Variants in CLTCL1 observed in about 807,000 individuals in gnomAD.
CLTCL1 encodes the protein clathrin heavy chain like 1.
CLTCL1 carries 159 observed loss-of-function variants against 190.0 expected under a neutral mutation model. The ratio of observed to expected loss-of-function variants is 0.84; its 90% CI spans 0.74 to 0.95. The LOEUF is 0.95. CLTCL1 is among the 40% of genes least tolerant of loss of function. The pLI, the probability that CLTCL1 is intolerant of heterozygous loss-of-function variation, is 0.00. For synonymous variants in CLTCL1, 752 were observed against 769.6 expected (o/e 0.98, Z 0.38); for missense variants, 1,878 against 2,033.4 (o/e 0.92, Z 1.47).
intron 2 of CLTCL1, among the ~76,000 whole-genome samples, chr22:19,266,497 C>T (rs2087126999): frequency 6.6e-6 from 1 of 152,124 alleles, no homozygotes; most frequent in Non-Finnish European, 1.5e-5. Flanking sequence ...CTATCAAATA[C>T]TCAAAGAAGA....
At chr22:19,205,966 A>G (rs1422126650) in intron 22 of CLTCL1, among the ~76,000 whole-genome samples, 1 of 149,308 alleles carries the variant, frequency 6.7e-6, no homozygotes, top group Non-Finnish European at 1.5e-5. Context: ...TCACTCCGTC[A>G]CCCAGGTTGG....
Position 19,233,575 on chromosome 22 carries a change from G to C in CLTCL1, c.1215C>G (p.Pro405=), listed in dbSNP as rs76002948. The C allele has an allele frequency of 1.2e-6, 2 of 1,613,696 alleles. No homozygotes were observed. The highest frequency in any genetic ancestry group is 1.7e-6 in the Non-Finnish European group (2 of 1,179,896). Residue 405 remains proline (P), a synonymous_variant, in exon 8 of 33, where the codon CCC becomes CCG. Coordinates refer to ENST00000427926, the MANE Select transcript of CLTCL1 (RefSeq NM_007098.4). ...RETVQKFQSI[P]AQSGQASPLL... ...ATGGAGAAGCCTGGCCAGACTGAGC[G>C]GGTATACTCTGGAATTTCTGGACCG...
chr22:19,289,817 T>G (rs1169822091), intron 1 of CLTCL1, among the ~76,000 whole-genome samples: 2 of 152,236 alleles, frequency 1.3e-5, no homozygotes, highest in African/African-American at 2.4e-5. Context: ...CATCTAAGTC[T>G]GCAGCCATAT....
chr22:19,283,383 C>T (rs1305102714), intron 1 of CLTCL1, among the ~76,000 whole-genome samples: 4 of 151,186 alleles, frequency 2.6e-5, no homozygotes, highest in Admixed American at 6.6e-5. Context: ...CACACTCAAC[C>T]GATTCTCATG....
At chr22:19,288,187 A>G (rs1051921584) in intron 1 of CLTCL1, among the ~76,000 whole-genome samples, 1 of 152,180 alleles carries the variant, frequency 6.6e-6, no homozygotes, top group African/African-American at 2.4e-5. Context: ...TTTGTGTTCA[A>G]GTAACCCTTA....
chr22:19,233,370 G>A, intron 8 of CLTCL1, 52 bp from the exon 9 acceptor site: 1 of 1,610,566 alleles, frequency 6.2e-7, no homozygotes, highest in Non-Finnish European at 8.5e-7. Flanking sequence ...AGGGAGCCTG[G>A]ACCAAGTTTT....
At chr22:19,180,039 G>C in intron 32 of CLTCL1, 70 bp from the exon 33 acceptor site, 1 of 642,942 alleles carries the variant, frequency 1.6e-6, no homozygotes, top group Admixed American at 2.8e-5. Flanking sequence ...GGCTGCCCCT[G>C]AGTAGCCCGG....
chr22:19,219,842 G>A (rs546989829), intron 18 of CLTCL1, 43 bp downstream of exon 18: 14 of 1,607,976 alleles, frequency 8.7e-6, no homozygotes, highest in South Asian at 7.7e-5. Context: ...ATGATCGGAC[G>A]GCAAAATGCA....
At chr22:19,180,967 A>C (rs1555925593) in intron 30 of CLTCL1, 161 bp from the exon 31 acceptor site, 1 of 642,326 alleles carries the variant, frequency 1.6e-6, no homozygotes, top group East Asian at 2.7e-5. Context: ...CACCCCATGC[A>C]CTTTTAGAAT....
Position 19,291,184 on chromosome 22 carries a change from G to A in CLTCL1, c.42+416C>T, listed in dbSNP as rs182776937. ...CGGTCCTCCCAGGCGAAGCCGCCCT[G>A]GGGACGAAAACCGATCACAGAGGCA... On this transcript the variant is annotated intron_variant, in intron 1 of 32. Transcript: ENST00000427926. 2.0e-5 allele frequency among the ~76,000 whole-genome samples: 3 copies of A among 152,340 alleles called. No homozygotes were observed. The East Asian group carries it at 5.8e-4, about 29-fold the overall frequency.
chr22:19,225,500 C>T lies in CLTCL1; in HGVS notation c.2081G>A (p.Gly694Asp). 1 of 1,587,634 alleles carries T rather than the reference C, an allele frequency of 6.3e-7. No individual in the cohort carries two copies. Among genetic ancestry groups the T allele is most frequent in the Non-Finnish European group, 8.6e-7 (1 of 1,166,358 alleles). Residue 694 changes from glycine (G) to aspartate (D), a missense_variant, in exon 13 of 33, where the codon GGC becomes GAC. Coordinates refer to ENST00000427926, the MANE Select transcript of CLTCL1 (RefSeq NM_007098.4). ...QVASKYHEQLGTQALVELFES... is the reference protein window; with the variant it reads ...QVASKYHEQLDTQALVELFES... ...AAAGAGCTCCACCAGGGCCTGCGTG[C>T]CCAGCTGCTCGTGGTACTTAGAGGC...
intron 30 of CLTCL1, chr22:19,182,962 G>A (rs2084189965): frequency 8.3e-6 from 2 of 240,854 alleles, no homozygotes; most frequent in Non-Finnish European, 1.7e-5. Context: ...CCTACTATGT[G>A]TTCAGCAAAA....
chr22:19,226,523 G>A, intron 11 of CLTCL1, 140 bp from the exon 12 acceptor site: 1 of 884,748 alleles, frequency 1.1e-6, no homozygotes, highest in Non-Finnish European at 1.7e-6. Context: ...TACCTCTGTG[G>A]TGGCAGCAGT....
chr22:19,227,196 C>G (rs1311757260), intron 11 of CLTCL1, among the ~76,000 whole-genome samples: 1 of 151,326 alleles, frequency 6.6e-6, no homozygotes, highest in Non-Finnish European at 1.5e-5. Flanking sequence ...CTCTACTAGG[C>G]TAAATACAGA....
At position 19,233,434 on chromosome 22, in the gene CLTCL1, C is replaced by T; in HGVS notation, c.1356G>A (p.Leu452=). 4 of 1,613,572 alleles carry T rather than the reference C, an allele frequency of 2.5e-6. No individual in the cohort carries two copies. The highest frequency in any genetic ancestry group is 3.4e-6 in the Non-Finnish European group (4 of 1,179,694). ...QGRKQLLEKW[L]KEDKLECSEE... The stretch of plus-strand genomic sequence containing the variant: ...CAAGTGTTTCTACCTTATCTTCTTT[C>T]AGCCACTTCTCTAGGAGTTGCTTAC... Residue 452 remains leucine (L), a synonymous_variant, in exon 8 of 33, where the codon CTG becomes CTA. Coordinates refer to ENST00000427926, the MANE Select transcript of CLTCL1 (RefSeq NM_007098.4).
intron 1 of CLTCL1, among the ~76,000 whole-genome samples, chr22:19,289,101 A>C (rs1348164378): frequency 6.6e-6 from 1 of 152,198 alleles, no homozygotes; most frequent in East Asian, 1.9e-4. Flanking sequence ...CTCCCGCCTC[A>C]GCCTCCTGAC....
At chr22:19,233,398 C>G (rs952022626) in intron 8 of CLTCL1, 24 bp downstream of exon 8, 1 of 1,613,140 alleles carries the variant, frequency 6.2e-7, no homozygotes, top group Non-Finnish European at 8.5e-7. Flanking sequence ...TGCGGGGGGG[C>G]TACGAGCTCA....
intron 29 of CLTCL1, among the ~76,000 whole-genome samples, chr22:19,185,333 T>TC (rs1341903047): frequency 6.6e-6 from 1 of 151,176 alleles, no homozygotes. Flanking sequence ...TTTCTTTTTT[T>TC]TTTTTTTTCT....
intron 26 of CLTCL1, among the ~76,000 whole-genome samples, chr22:19,193,516 G>C (rs1555933725): frequency 3.3e-5 from 5 of 152,210 alleles, no homozygotes; most frequent in South Asian, 2.1e-4. Context: ...GTGCCCACTA[G>C]CATGGTCAGC....
Sources: allele counts gnomAD v4.1 joint callset (sites outside exome capture counted in the v4.1 genomes callset), GRCh38; gene constraint gnomAD v4.1.1; transcripts MANE v1.5; gene names NCBI Gene and HGNC (gene_info 2026-07-23, HGNC 2026-07-21).